Variants in RORA observed in about 807,000 individuals in gnomAD.
RORA encodes the protein RAR related orphan receptor A.
RORA carries 7 observed loss-of-function variants against 69.5 expected under a neutral mutation model. That is an observed-to-expected ratio of 0.10 (90% CI 0.06 to 0.19). The LOEUF (loss-of-function observed/expected upper bound fraction) is 0.19. Ranked by LOEUF, RORA falls within the 10% of genes least tolerant of loss-of-function variation. The pLI is 1.00. For missense variants in RORA, 457 were observed against 663.0 expected (o/e 0.69, Z 3.41); for synonymous variants, 261 against 240.8 (o/e 1.08, Z -0.78).
At chr15:60,859,655 C>CTTTTTTTTTT (rs71122880) in intron 1 of RORA, among the ~76,000 whole-genome samples, 1 of 101,592 alleles carries the variant, frequency 9.8e-6, no homozygotes, top group African/African-American at 3.9e-5. Flanking sequence ...TTCTTTCTTT[C>CTTTTTTTTTT]TTTTTTTTTT....
At chr15:60,988,667 T>C (rs993443444) in intron 1 of RORA, among the ~76,000 whole-genome samples, 6 of 152,222 alleles carry the variant, frequency 3.9e-5, no homozygotes, top group African/African-American at 1.4e-4. Context: ...ACGCTGTAGC[T>C]GTCTCTGTCT....
rs114720669 is a variant in RORA, at chr15:60,773,131, C to G, written c.167-94445G>C. Among the ~76,000 whole-genome samples, 386 of 152,228 alleles carry G rather than the reference C, an allele frequency of 2.5e-3. 3 individuals carry two copies. Among genetic ancestry groups the G allele is most frequent in the African/African-American group, 9.0e-3 (374 of 41,522 alleles). ...ACCTCCCTTGACAGCTCATTTGCAC[C>G]TGAAGGTTGTGAGGATGAAGCCTTG... On this transcript the variant is annotated intron_variant, in intron 1 of 10. Coordinates refer to ENST00000335670, the MANE Select transcript of RORA (RefSeq NM_134261.3).
At position 61,229,151 on chromosome 15, in the gene RORA, G is replaced by T. The variant is rs775839824; in HGVS notation, c.68C>A (p.Ala23Asp). The change falls in exon 1 of 11, where the codon GCC becomes GAC. Residue 23 changes from alanine (A) to aspartate (D), a missense_variant. Physicochemically the swap from Ala to Asp is moderately radical, Grantham distance 126. This residue lies in a region of RORA where 119 missense variants were observed against 92.4 expected (regional missense o/e 1.29). Coordinates refer to ENST00000335670, the MANE Select transcript of RORA (RefSeq NM_134261.3). ...CAGCGGGGTCTCCCTGGAGCCGGCGGCCGCGTCCGCGCCGCTGCTGCCTGG... is the reference window on the plus strand; with the variant it reads ...CAGCGGGGTCTCCCTGGAGCCGGCGTCCGCGTCCGCGCCGCTGCTGCCTGG... ...SEPGSSGADA[A>D]AGSRETPLNQ... 45 of 1,545,510 alleles carry T rather than the reference G, an allele frequency of 2.9e-5. No individual in the cohort carries two copies. Among genetic ancestry groups the T allele is most frequent in the Non-Finnish European group, 3.8e-5 (43 of 1,146,156 alleles).
intron 1 of RORA, among the ~76,000 whole-genome samples, chr15:61,009,471 G>A (rs752110753): frequency 1.3e-5 from 2 of 152,088 alleles, no homozygotes; most frequent in Non-Finnish European, 2.9e-5. Context: ...TCATCCGTAC[G>A]ATACAGGAAA....
At chr15:61,157,055 C>A (rs1311945856) in intron 1 of RORA, among the ~76,000 whole-genome samples, 1 of 152,144 alleles carries the variant, frequency 6.6e-6, no homozygotes, top group East Asian at 1.9e-4. Flanking sequence ...AACCAAACAA[C>A]CCTGCATGGT....
intron 1 of RORA, among the ~76,000 whole-genome samples, chr15:60,757,122 A>C (rs2140868039): frequency 6.6e-6 from 1 of 152,332 alleles, no homozygotes; most frequent in Middle Eastern, 3.4e-3. Context: ...TATTACTATG[A>C]AATGAGTGCA....
At chr15:60,797,773 G>A (rs2072519037) in intron 1 of RORA, among the ~76,000 whole-genome samples, 1 of 151,956 alleles carries the variant, frequency 6.6e-6, no homozygotes. Flanking sequence ...GATCTGGATG[G>A]GCTCATCGAG....
chr15:60,977,694 G>C (rs560292384), intron 1 of RORA, among the ~76,000 whole-genome samples: 52 of 152,068 alleles, frequency 3.4e-4, no homozygotes, highest in Non-Finnish European at 6.3e-4. Context: ...CATTTCCTAT[G>C]AATGGAAGCA....
At chr15:61,184,940 G>T (rs2079725170) in intron 1 of RORA, among the ~76,000 whole-genome samples, 1 of 140,358 alleles carries the variant, frequency 7.1e-6, no homozygotes, top group South Asian at 2.2e-4. Context: ...AGCTATGATT[G>T]TCCCACTGCA....
intron 2 of RORA, among the ~76,000 whole-genome samples, chr15:60,552,411 C>G (rs983816343): frequency 6.6e-6 from 1 of 152,158 alleles, no homozygotes; most frequent in Non-Finnish European, 1.5e-5. Context: ...TTCTACAAAG[C>G]CTTTATCAGT....
chr15:61,123,762 A>C (rs2079121673), intron 1 of RORA, among the ~76,000 whole-genome samples: 1 of 148,492 alleles, frequency 6.7e-6, no homozygotes, highest in Non-Finnish European at 1.5e-5. Flanking sequence ...CAGAGGCCTA[A>C]GCCAGATTTC....
intron 1 of RORA, among the ~76,000 whole-genome samples, chr15:60,984,179 T>C (rs1595861217): frequency 6.6e-6 from 1 of 152,182 alleles, no homozygotes; most frequent in East Asian, 1.9e-4. Flanking sequence ...TAAGAACATA[T>C]AGCACCCCGA....
intron 1 of RORA, among the ~76,000 whole-genome samples, chr15:61,018,105 A>G (rs552290427): frequency 4.6e-5 from 7 of 152,340 alleles, no homozygotes; most frequent in Admixed American, 6.5e-5. Context: ...GAATGCTCCT[A>G]TGTGATACTT....
chr15:60,492,549 G>T lies in RORA; in HGVS notation c.*4906C>A, dbSNP rs544548440. On this transcript the variant is annotated 3_prime_UTR_variant, in exon 11 of 11. Transcript: ENST00000335670. The stretch of plus-strand genomic sequence containing the variant: ...CATCTTTTACCTATATCACTGTACT[G>T]ATAGGCAGGTCTCTCCTCTTATTAC... 2 of 152,094 alleles carry T rather than the reference G, an allele frequency of 1.3e-5. No individual in the cohort carries two copies. Among genetic ancestry groups the T allele is most frequent in the African/African-American group, 4.8e-5 (2 of 41,416 alleles). The allele number at this position is 152,094 out of a possible 1,614,324, so 9.4% of individuals were successfully genotyped here. A position where few individuals can be genotyped will look rare whatever the true frequency, so the allele number is the denominator to read the frequency against.
intron 1 of RORA, among the ~76,000 whole-genome samples, chr15:61,034,362 A>G (rs1283454757): frequency 6.6e-6 from 1 of 152,190 alleles, no homozygotes; most frequent in Admixed American, 6.5e-5. Flanking sequence ...TACGTTTCTC[A>G]GACTGCTTGA....
intron 1 of RORA, among the ~76,000 whole-genome samples, chr15:60,817,300 A>G (rs1236415827): frequency 1.3e-5 from 2 of 152,316 alleles, no homozygotes; most frequent in East Asian, 1.9e-4. Context: ...ACTGCATTCT[A>G]TTAAGTGTGC....
intron 1 of RORA, among the ~76,000 whole-genome samples, chr15:61,056,494 C>T (rs1366070922): frequency 2.0e-5 from 3 of 152,140 alleles, no homozygotes; most frequent in South Asian, 2.1e-4. Flanking sequence ...TTCAGAAGTA[C>T]GGAATTAACC....
chr15:60,734,442 C>T (rs2071472372), intron 1 of RORA, among the ~76,000 whole-genome samples: 1 of 152,188 alleles, frequency 6.6e-6, no homozygotes, highest in African/African-American at 2.4e-5. Flanking sequence ...GATTTTAACA[C>T]AGGAATGATT....
chr15:61,117,978 C>T (rs1206416124), intron 1 of RORA, among the ~76,000 whole-genome samples: 1 of 152,214 alleles, frequency 6.6e-6, no homozygotes, highest in African/African-American at 2.4e-5. Context: ...GATAACTCTG[C>T]AACCTCATTC....
Sources: gnomAD v4.1 joint callset for allele counts (sites outside exome capture counted in the v4.1 genomes callset) on GRCh38, gnomAD v4.1.1 for gene constraint, gnomAD v4.1.1 regional missense constraint, MANE v1.5 for transcripts, NCBI Gene and HGNC (gene_info 2026-07-23, HGNC 2026-07-21) for gene names.